The following LOXHD1 variants were observed in gnomAD, a reference collection of about 807,000 sequenced individuals.
LOXHD1 encodes lipoxygenase homology PLAT domains 1, also known as lipoxygenase homology domain-containing protein 1.
In LOXHD1, 205 loss-of-function variants were observed where a neutral mutation model predicts 248.2. The observed-to-expected ratio is 0.83, with a 90% CI of 0.74 to 0.93. The LOEUF (loss-of-function observed/expected upper bound fraction) is 0.93, where lower values mean the gene tolerates loss of function less well. LOXHD1 is among the 40% of genes least tolerant of loss of function. The pLI, the probability that LOXHD1 is intolerant of heterozygous loss-of-function variation, is 0.00. For missense variants in LOXHD1, 2,930 were observed against 2,971.6 expected (o/e 0.99, Z 0.33); for synonymous variants, 1,113 against 1,162.8 (o/e 0.96, Z 0.87).
intron 1 of LOXHD1, among the ~76,000 whole-genome samples, chr18:46,649,765 G>A (rs1194030372): frequency 6.6e-6 from 1 of 152,132 alleles, no homozygotes; most frequent in Admixed American, 6.5e-5. Context: ...TTTGCAGGGG[G>A]TCCTTCTTTG....
chr18:46,524,792 G>C lies in LOXHD1; in HGVS notation c.4656C>G (p.Asn1552Lys), dbSNP rs762118454. 1 of 1,551,654 alleles carries C rather than the reference G, an allele frequency of 6.4e-7. No homozygotes were observed. The highest frequency in any genetic ancestry group is 8.7e-7 in the Non-Finnish European group (1 of 1,146,976). ...VEKVEIWNDTNEDEFLFLCGR... is the reference protein window; with the variant it reads ...VEKVEIWNDTKEDEFLFLCGR... ...CGCATAGGAACAGGAACTCGTCCTC[G>C]TTGGTGTCATTCCAGATCTCCACCT... Residue 1552 changes from asparagine to lysine, a missense_variant, in exon 30 of 41, where the codon AAC becomes AAG. Coordinates refer to ENST00000642948, the MANE Select transcript of LOXHD1 (RefSeq NM_001384474.1).
At chr18:46,481,171 T>G (rs1374226141) in intron 40 of LOXHD1, among the ~76,000 whole-genome samples, 1 of 152,232 alleles carries the variant, frequency 6.6e-6, no homozygotes, top group African/African-American at 2.4e-5. Context: ...CACACAGTGT[T>G]AAGCAAGTGG....
At position 46,639,605 on chromosome 18, in the gene LOXHD1, T is replaced by C; in HGVS notation, c.511+11A>G. ...GGGAGGGATGGCAGGCAGGCCAGCCTAGGCACTGACCTCTGGGCATGTCCA... is the reference window on the plus strand; with the variant it reads ...GGGAGGGATGGCAGGCAGGCCAGCCCAGGCACTGACCTCTGGGCATGTCCA... On this transcript the variant is annotated intron_variant, in intron 4 of 40. Coordinates refer to ENST00000642948, the MANE Select transcript of LOXHD1 (RefSeq NM_001384474.1). 1 of 1,548,924 alleles carries C rather than the reference T, an allele frequency of 6.5e-7. No individual in the cohort carries two copies. The highest frequency in any genetic ancestry group is 8.7e-7 in the Non-Finnish European group (1 of 1,145,160).
In LOXHD1 at chr18:46,541,924, C is replaced by A; in HGVS notation, c.3765G>T (p.Trp1255Cys). Residue 1255 changes from tryptophan to cysteine, a missense_variant, in exon 25 of 41, where the codon TGG (tryptophan) becomes TGT (cysteine). Trp to Cys is a radical substitution (Grantham distance 215, BLOSUM62 -2). Transcript: ENST00000642948. ...CATCCACCTCTACCCAGTCTACAAA[C>A]CAGCCTGGGGCCTTGCCTAGAGAGA... ...GHDNTGKAPG[W>C]FVDWVEVDAP... 6.4e-7 allele frequency: 1 copy of A among 1,551,604 alleles called. No homozygotes were observed. Among genetic ancestry groups the A allele is most frequent in the Non-Finnish European group, 8.7e-7 (1 of 1,146,934 alleles).
chr18:46,601,752 A>G (rs539302075), intron 7 of LOXHD1: 1 of 426,730 alleles, frequency 2.3e-6, no homozygotes, highest in African/African-American at 2.0e-5. Flanking sequence ...AAAGAGAAGG[A>G]GGAACTCGGG....
chr18:46,508,525 C>T (rs2143934798), intron 35 of LOXHD1, among the ~76,000 whole-genome samples: 1 of 152,246 alleles, frequency 6.6e-6, no homozygotes, highest in South Asian at 2.1e-4. Context: ...GGAGTGTGGC[C>T]CTGCCGACAC....
chr18:46,502,386 G>C (rs954612820), intron 37 of LOXHD1, among the ~76,000 whole-genome samples: 4 of 152,310 alleles, frequency 2.6e-5, no homozygotes, highest in East Asian at 1.9e-4. Flanking sequence ...ATTAGGTGGA[G>C]TTCAGATTTG....
chr18:46,502,486 G>T (rs2034296752), intron 37 of LOXHD1, among the ~76,000 whole-genome samples: 1 of 152,186 alleles, frequency 6.6e-6, no homozygotes, highest in Non-Finnish European at 1.5e-5. Context: ...ATTGGGGTTG[G>T]AATGCATAGT....
chr18:46,477,372 G>T lies in LOXHD1; in HGVS notation c.*100C>A. ...GTTCTCAGTGGACTGCTAGCCCCCA[G>T]TGCCAATGCTAGAGGCTTTGAAGGG... On this transcript the variant is annotated 3_prime_UTR_variant, in exon 41 of 41. Transcript: ENST00000642948. 1 of 1,498,908 alleles carries T rather than the reference G, an allele frequency of 6.7e-7. No individual in the cohort carries two copies. The highest frequency in any genetic ancestry group is 9.0e-7 in the Non-Finnish European group (1 of 1,108,022). 92.9% of individuals were successfully genotyped at this position (1,498,908 alleles called of 1,614,324 possible). A position where few individuals can be genotyped will look rare whatever the true frequency, so the allele number is the denominator to read the frequency against.
intron 10 of LOXHD1, 62 bp from the exon 11 acceptor site, chr18:46,592,646 G>A: frequency 7.2e-7 from 1 of 1,386,364 alleles, no homozygotes; most frequent in Non-Finnish European, 1.0e-6. Context: ...TATTCTCATA[G>A]CTGACCCACT....
chr18:46,505,628 G>A (rs918602756), intron 37 of LOXHD1, among the ~76,000 whole-genome samples: 3 of 152,180 alleles, frequency 2.0e-5, no homozygotes, highest in Non-Finnish European at 4.4e-5. Flanking sequence ...GAGAAAGCAG[G>A]AGGAACTAAG....
intron 15 of LOXHD1, among the ~76,000 whole-genome samples, chr18:46,570,706 G>A (rs1189015622): frequency 6.6e-6 from 1 of 152,156 alleles, no homozygotes; most frequent in Non-Finnish European, 1.5e-5. Flanking sequence ...ATTGTCTTGG[G>A]CCACACAAAA....
chr18:46,619,450 C>T (rs2038637925), intron 4 of LOXHD1, among the ~76,000 whole-genome samples: 1 of 152,108 alleles, frequency 6.6e-6, no homozygotes, highest in African/African-American at 2.4e-5. Context: ...TTTGCCATTT[C>T]CTGCAAGTAA....
chr18:46,525,065 A>C, intron 29 of LOXHD1, 148 bp from the exon 30 acceptor site: 1 of 870,454 alleles, frequency 1.1e-6, no homozygotes, highest in Non-Finnish European at 1.8e-6. Context: ...CCAAATCCCC[A>C]ACACCGAGCC....
intron 12 of LOXHD1, among the ~76,000 whole-genome samples, chr18:46,580,538 C>T (rs1176722809): frequency 6.6e-6 from 1 of 152,176 alleles, no homozygotes; most frequent in African/African-American, 2.4e-5. Context: ...TAAAATGTAC[C>T]CATTCACTCA....
intron 40 of LOXHD1, among the ~76,000 whole-genome samples, chr18:46,479,807 T>A (rs1437406359): frequency 6.6e-6 from 1 of 151,098 alleles, no homozygotes; most frequent in Non-Finnish European, 1.5e-5. Flanking sequence ...GTTTTTTGCC[T>A]GCTTACACAA....
intron 21 of LOXHD1, among the ~76,000 whole-genome samples, chr18:46,549,973 A>T (rs2037018057): frequency 6.6e-6 from 1 of 152,190 alleles, no homozygotes; most frequent in Non-Finnish European, 1.5e-5. Flanking sequence ...AGTGCATTAG[A>T]CTTTATTGCA....
chr18:46,555,140 A>G, intron 21 of LOXHD1: 3 of 471,182 alleles, frequency 6.4e-6, no homozygotes, highest in Non-Finnish European at 1.3e-5. Flanking sequence ...TGGAGCTGCA[A>G]GGGGAAGCTG....
chr18:46,632,900 G>C (rs2038845304), intron 4 of LOXHD1, among the ~76,000 whole-genome samples: 1 of 152,126 alleles, frequency 6.6e-6, no homozygotes. Context: ...CCATTCCATT[G>C]ACAGGTTGAG....
Sources: gnomAD v4.1 joint callset for allele counts (sites outside exome capture counted in the v4.1 genomes callset) on GRCh38, gnomAD v4.1.1 for gene constraint, MANE v1.5 for transcripts, NCBI Gene and HGNC (gene_info 2026-07-23, HGNC 2026-07-21) for gene names.